The following SHANK2 variants were observed in gnomAD, a reference collection of about 807,000 sequenced individuals.
SHANK2 encodes the protein SH3 and multiple ankyrin repeat domains 2.
In SHANK2, 43 loss-of-function variants were observed where a neutral mutation model predicts 133.7. The ratio of observed to expected loss-of-function variants is 0.32; its 90% CI spans 0.25 to 0.41. The LOEUF is 0.41. SHANK2 is among the 10% of genes least tolerant of loss of function. The pLI is 1.00. For missense variants in SHANK2, 1,994 were observed against 2,235.8 expected (o/e 0.89, Z 2.18); for synonymous variants, 1,017 against 952.8 (o/e 1.07, Z -1.24).
chr11:70,663,696 C>A (rs1944624797), intron 15 of SHANK2, among the ~76,000 whole-genome samples: 3 of 152,174 alleles, frequency 2.0e-5, no homozygotes. Context: ...TCCCCAGAGA[C>A]AGCCTGCTAA....
intron 8 of SHANK2, among the ~76,000 whole-genome samples, chr11:71,086,908 C>T (rs1951427691): frequency 6.6e-6 from 1 of 152,196 alleles, no homozygotes. Context: ...TTCACATTAT[C>T]ACTGAGAATC....
At chr11:70,549,259 G>A (rs1479731411) in intron 17 of SHANK2, among the ~76,000 whole-genome samples, 3 of 152,148 alleles carry the variant, frequency 2.0e-5, no homozygotes, top group Non-Finnish European at 4.4e-5. Flanking sequence ...CCTGTGCAGC[G>A]GAACAAAGGA....
intron 6 of SHANK2, 139 bp from the exon 7 acceptor site, chr11:71,094,827 G>A (rs1338872032): frequency 6.1e-6 from 6 of 976,398 alleles, no homozygotes; most frequent in East Asian, 2.7e-5. Context: ...CCCACCACCT[G>A]GGAACCCCAA....
intron 14 of SHANK2, among the ~76,000 whole-genome samples, chr11:70,723,058 G>A: frequency 6.6e-6 from 1 of 152,174 alleles, no homozygotes; most frequent in East Asian, 1.9e-4. Context: ...CAGACCCCAT[G>A]TGGGGCTAGA....
chr11:70,518,441 G>A (rs752450174), intron 17 of SHANK2, among the ~76,000 whole-genome samples: 15 of 152,188 alleles, frequency 9.9e-5, no homozygotes, highest in Non-Finnish European at 1.6e-4. Flanking sequence ...GAGGCACCGC[G>A]TCATGGCTCA....
chr11:70,575,978 C>G (rs1554984142), intron 17 of SHANK2, among the ~76,000 whole-genome samples: 1 of 152,006 alleles, frequency 6.6e-6, no homozygotes, highest in Admixed American at 6.6e-5. Context: ...GGTGGAGACA[C>G]CTGAGCATTG....
chr11:71,130,723 C>G (rs1952285228), intron 3 of SHANK2, among the ~76,000 whole-genome samples: 1 of 152,080 alleles, frequency 6.6e-6, no homozygotes. Flanking sequence ...GACTTCTACC[C>G]AAGGAGCCCA....
At chr11:71,153,010 A>G (rs1214521886) in intron 2 of SHANK2, among the ~76,000 whole-genome samples, 1 of 152,174 alleles carries the variant, frequency 6.6e-6, no homozygotes, top group Non-Finnish European at 1.5e-5. Context: ...GGACATTCTT[A>G]TACTAAAAAA....
At chr11:70,800,963 C>A (rs2135236841) in intron 13 of SHANK2, among the ~76,000 whole-genome samples, 1 of 152,366 alleles carries the variant, frequency 6.6e-6, no homozygotes, top group South Asian at 2.1e-4. Flanking sequence ...TTGGTATCAT[C>A]TTCCATGGAA....
At chr11:70,611,640 C>T (rs1486621624) in intron 17 of SHANK2, among the ~76,000 whole-genome samples, 3 of 152,204 alleles carry the variant, frequency 2.0e-5, no homozygotes, top group African/African-American at 7.2e-5. Context: ...CTAATTCAAA[C>T]CATGATTTCA....
intron 2 of SHANK2, among the ~76,000 whole-genome samples, chr11:71,204,307 C>G (rs1954083747): frequency 6.6e-6 from 1 of 152,234 alleles, no homozygotes; most frequent in Non-Finnish European, 1.5e-5. Flanking sequence ...GCACCAGGCC[C>G]CCGGCTCAGG....
At chr11:70,912,526 T>C (rs1950210619) in intron 10 of SHANK2, among the ~76,000 whole-genome samples, 1 of 152,202 alleles carries the variant, frequency 6.6e-6, no homozygotes, top group African/African-American at 2.4e-5. Context: ...ATTTTTTCTC[T>C]TACTGTCACC....
At chr11:70,902,874 G>T (rs982887852) in intron 10 of SHANK2, among the ~76,000 whole-genome samples, 2 of 152,160 alleles carry the variant, frequency 1.3e-5, no homozygotes, top group African/African-American at 4.8e-5. Flanking sequence ...GAGCCACAGG[G>T]TCCCCTACAG....
chr11:70,599,423 C>T (rs184787457), intron 17 of SHANK2, among the ~76,000 whole-genome samples: 9,566 of 121,068 alleles, frequency 0.079, 488 homozygotes, highest in East Asian at 0.18. Context: ...CTGGCTAACA[C>T]GGTGAAACCC....
chr11:70,838,628 G>A (rs1241018074), intron 11 of SHANK2, among the ~76,000 whole-genome samples: 5 of 152,052 alleles, frequency 3.3e-5, no homozygotes, highest in Admixed American at 1.3e-4. Context: ...TAACATGCTG[G>A]GACTCAATTC....
intron 17 of SHANK2, among the ~76,000 whole-genome samples, chr11:70,540,319 G>A (rs1375618651): frequency 2.0e-5 from 3 of 152,058 alleles, no homozygotes; most frequent in Non-Finnish European, 4.4e-5. Context: ...CCAGCAAGCG[G>A]GGCGCCCACG....
chr11:70,804,530 C>A lies in SHANK2; in HGVS notation c.1663+2472G>T, dbSNP rs534148038. Among the ~76,000 whole-genome samples, 339 of 152,264 alleles carry A rather than the reference C, an allele frequency of 2.2e-3. No individual in the cohort carries two copies. The highest frequency in any genetic ancestry group is 7.8e-3 in the African/African-American group (326 of 41,576). On this transcript the variant is annotated intron_variant, in intron 13 of 25. Coordinates refer to ENST00000601538, the MANE Select transcript of SHANK2 (RefSeq NM_012309.5). The surrounding 1 kb of genome is among the most constrained non-coding windows in gnomAD (Gnocchi z 4.1). ...GGAGAAAGGCCCAGCTCCCCGCACG[C>A]CCCACGCTCCTGCGAGGGGCGGGTT...
At chr11:70,710,267 C>T (rs1467060298) in intron 14 of SHANK2, among the ~76,000 whole-genome samples, 4 of 152,218 alleles carry the variant, frequency 2.6e-5, no homozygotes, top group African/African-American at 9.6e-5. Context: ...GGCCTAAGAG[C>T]TGCCGCACGA....
chr11:70,677,396 G>A (rs1944922329), intron 15 of SHANK2, among the ~76,000 whole-genome samples: 1 of 152,164 alleles, frequency 6.6e-6, no homozygotes, highest in South Asian at 2.1e-4. Context: ...TCCTTTAAGT[G>A]TTCCTAGAAC....
Sources: allele counts gnomAD v4.1 joint callset (sites outside exome capture counted in the v4.1 genomes callset), GRCh38; gene constraint gnomAD v4.1.1; non-coding constraint Gnocchi (gnomAD v3.1); transcripts MANE v1.5; gene names NCBI Gene and HGNC (gene_info 2026-07-23, HGNC 2026-07-21).